ARHGAP40: variants seen among roughly 807,000 people sequenced by gnomAD.
ARHGAP40 encodes rho GTPase-activating protein 40.
Under a neutral mutation model 73.5 loss-of-function variants are expected in ARHGAP40, and 43 were observed. The ratio of observed to expected loss-of-function variants is 0.58; its 90% CI spans 0.46 to 0.75. The LOEUF is 0.75. ARHGAP40 is among the 30% of genes least tolerant of loss of function. The pLI, the probability that ARHGAP40 is intolerant of heterozygous loss-of-function variation, is 0.00. For missense variants in ARHGAP40, 734 were observed against 861.8 expected (o/e 0.85, Z 1.86); for synonymous variants, 300 against 352.8 (o/e 0.85, Z 1.68).
At chr20:38,609,401 T>C (rs1053300458) in intron 1 of ARHGAP40, among the ~76,000 whole-genome samples, 2 of 152,220 alleles carry the variant, frequency 1.3e-5, no homozygotes, top group African/African-American at 4.8e-5. Context: ...CTGATGCTGA[T>C]ACTGAAGGTC....
In ARHGAP40 at chr20:38,646,520, G is replaced by A. The variant is rs909393513; in HGVS notation, c.1710+333G>A. Among the ~76,000 whole-genome samples the A allele has an allele frequency of 6.6e-6, 1 of 152,198 alleles. No homozygotes were observed. Among genetic ancestry groups the A allele is most frequent in the African/African-American group, 2.4e-5 (1 of 41,450 alleles). ...TGTGAGGTGATTGGGGCTGGGTGGG[G>A]GATAGTAGAAGGGAAGAGCCTTCCA... On this transcript the variant is annotated intron_variant, in intron 12 of 14. Coordinates refer to ENST00000373345, the Ensembl canonical transcript of ARHGAP40. This position sits in a 1 kb window ranked among gnomAD's most constrained non-coding sequence, Gnocchi z 4.5.
At chr20:38,645,771 A>G (rs1326585845) in intron 11 of ARHGAP40, among the ~76,000 whole-genome samples, 2 of 152,166 alleles carry the variant, frequency 1.3e-5, no homozygotes, top group African/African-American at 4.8e-5. Context: ...CAGCAGGTGC[A>G]GGACCCTCCA....
intron 11 of ARHGAP40, among the ~76,000 whole-genome samples, chr20:38,645,003 A>G (rs1271883616): frequency 1.3e-5 from 2 of 152,016 alleles, no homozygotes; most frequent in East Asian, 3.9e-4. Flanking sequence ...GCCCTCTCTG[A>G]CTGTTCCCAC....
chr20:38,614,098 C>T (rs530849829), intron 1 of ARHGAP40, among the ~76,000 whole-genome samples: 2 of 152,232 alleles, frequency 1.3e-5, no homozygotes, highest in East Asian at 1.9e-4. Context: ...TGCTGTGTCC[C>T]GATGTTCAGG....
At chr20:38,609,719 T>C (rs1411040627) in intron 1 of ARHGAP40, among the ~76,000 whole-genome samples, 1 of 152,258 alleles carries the variant, frequency 6.6e-6, no homozygotes, top group Admixed American at 6.5e-5. Flanking sequence ...AGGGTGTTCC[T>C]GGCAGTAGCT....
At chr20:38,617,945 C>T (rs545732123) in intron 1 of ARHGAP40, among the ~76,000 whole-genome samples, 1 of 152,302 alleles carries the variant, frequency 6.6e-6, no homozygotes, top group South Asian at 2.1e-4. Context: ...GGCTCTTACA[C>T]TACACTGCCC....
At chr20:38,627,792 A>G (rs555819627) in intron 3 of ARHGAP40, among the ~76,000 whole-genome samples, 3 of 152,234 alleles carry the variant, frequency 2.0e-5, no homozygotes, top group East Asian at 1.9e-4. Flanking sequence ...TCTCCCATGC[A>G]TGCCACTGCA....
chr20:38,623,617 A>C (rs2088885436), intron 2 of ARHGAP40, 59 bp downstream of exon 2: 1 of 1,212,042 alleles, frequency 8.3e-7, no homozygotes, highest in Non-Finnish European at 1.1e-6. Flanking sequence ...CCAGGCAGAG[A>C]AATGTCAGAG....
At chr20:38,619,674 T>C (rs1191698518) in intron 1 of ARHGAP40, among the ~76,000 whole-genome samples, 1 of 146,710 alleles carries the variant, frequency 6.8e-6, no homozygotes, top group Non-Finnish European at 1.5e-5. Flanking sequence ...CCTGGGTTCG[T>C]ATCCGGGCTT....
intron 9 of ARHGAP40, among the ~76,000 whole-genome samples, chr20:38,640,196 C>T (rs1321096972): frequency 8.1e-6 from 1 of 122,894 alleles, no homozygotes; most frequent in Non-Finnish European, 1.6e-5. Context: ...TTCTTTTCTT[C>T]TTTCTTCTTT....
At chr20:38,626,969 C>T (rs919590856) in intron 2 of ARHGAP40, 26 bp from the exon 3 acceptor site, 59 of 1,300,282 alleles carry the variant, frequency 4.5e-5, no homozygotes, top group Non-Finnish European at 5.6e-5. Flanking sequence ...TGTGTGTGTT[C>T]ATCTGGGTTC....
chr20:38,602,177 C>T, intron 1 of ARHGAP40, 98 bp downstream of exon 1: 1 of 1,185,758 alleles, frequency 8.4e-7, no homozygotes, highest in Non-Finnish European at 1.1e-6. Context: ...CAAGAATCTT[C>T]CTCCATCGTA....
At chr20:38,615,345 C>T (rs891039186) in intron 1 of ARHGAP40, 15 of 767,824 alleles carry the variant, frequency 2.0e-5, no homozygotes, top group Non-Finnish European at 3.4e-5. Context: ...CACGGGGGTA[C>T]TTCCACTGGT....
At chr20:38,616,270 G>C (rs569358077) in intron 1 of ARHGAP40, among the ~76,000 whole-genome samples, 2 of 152,218 alleles carry the variant, frequency 1.3e-5, no homozygotes, top group Non-Finnish European at 1.5e-5. Context: ...GCCCAACAGC[G>C]GCTGTTGCTC....
intron 14 of ARHGAP40, 89 bp downstream of exon 14, chr20:38,648,787 C>A: frequency 9.5e-7 from 1 of 1,054,228 alleles, no homozygotes; most frequent in Non-Finnish European, 1.3e-6. Context: ...CTGTGGGAGG[C>A]CAGAGTAGGC....
intron 9 of ARHGAP40, among the ~76,000 whole-genome samples, chr20:38,640,206 T>C (rs1568611204): frequency 7.5e-6 from 1 of 132,672 alleles, no homozygotes; most frequent in Non-Finnish European, 1.7e-5. Flanking sequence ...CTTTCTTCTT[T>C]CTTCTTTCTT....
chr20:38,637,718 C>G (rs1051719100), exon 7 of ARHGAP40: 2 of 1,305,328 alleles, frequency 1.5e-6, no homozygotes, highest in Admixed American at 2.3e-5. Context: ...AAACTCGCCT[C>G]TTTGGTGTGC....
chr20:38,623,119 G>A lies in ARHGAP40; in HGVS notation c.138-240G>A, dbSNP rs118184521. On this transcript the variant is annotated intron_variant, in intron 1 of 14. Coordinates refer to ENST00000373345, the Ensembl canonical transcript of ARHGAP40. ...GACTGTTAGCCTTGACCAAGAAGGT[G>A]GAAGCAAGCAGAGCAGTCTGGCCCT... is the stretch of plus-strand genomic sequence containing the variant. Among the ~76,000 whole-genome samples, 9 of 152,326 alleles carry A rather than the reference G, an allele frequency of 5.9e-5. No individual in the cohort carries two copies. In the East Asian group the frequency reaches 1.7e-3, roughly 29 times the overall value.
intron 1 of ARHGAP40, among the ~76,000 whole-genome samples, chr20:38,616,444 C>T (rs1214942168): frequency 6.6e-6 from 1 of 152,248 alleles, no homozygotes; most frequent in African/African-American, 2.4e-5. Flanking sequence ...GCTGGGGCTA[C>T]ATCTGGGCTG....
Sources: gnomAD v4.1 joint callset for allele counts (sites outside exome capture counted in the v4.1 genomes callset) on GRCh38, gnomAD v4.1.1 for gene constraint, Gnocchi (gnomAD v3.1) non-coding constraint, MANE v1.5 for transcripts, NCBI Gene and HGNC (gene_info 2026-07-23, HGNC 2026-07-21) for gene names.